The following ST6GALNAC4 variants were observed in gnomAD, a reference collection of about 807,000 sequenced individuals.
ST6GALNAC4 encodes alpha-N-acetyl-neuraminyl-2,3-beta-galactosyl-1,3-N-acetyl-galactosaminide alpha-2,6-sialyltransferase.
A neutral mutation model predicts 30.4 loss-of-function variants in ST6GALNAC4; 24 were observed. That is an observed-to-expected ratio of 0.79 (90% CI 0.57 to 1.11). The LOEUF is 1.11. ST6GALNAC4 is among the 50% of genes most tolerant of loss of function. The probability of loss-of-function intolerance (pLI) is 0.00; values close to 1 mark genes in which losing one functional copy is unlikely to be tolerated. For synonymous variants in ST6GALNAC4, 156 were observed against 179.7 expected, an observed-to-expected ratio of 0.87 and a Z score of 1.05; for missense variants, 365 against 430.1, an observed-to-expected ratio of 0.85 and a Z score of 1.34.
chr9:127,909,389 CAAA>C (rs199722185), intron 5 of ST6GALNAC4, among the ~76,000 whole-genome samples: 1 of 103,952 alleles, frequency 9.6e-6, no homozygotes, highest in Non-Finnish European at 2.0e-5. Flanking sequence ...AACTCCATCT[CAAA>C]AAAAAAAAAA....
chr9:127,910,215 C>G lies in ST6GALNAC4; in HGVS notation c.612-157G>C, dbSNP rs564497152. On this transcript the variant is annotated intron_variant, in intron 4 of 5. Coordinates refer to ENST00000335791, the MANE Select transcript of ST6GALNAC4 (RefSeq NM_175039.4). ...GGCTGGGGAGGGGACAGAGCCAGCC[C>G]AAGGCCAGCAGTGGGTGACAGGCAG... 29 of 1,426,624 alleles carry G rather than the reference C, an allele frequency of 2.0e-5. No homozygotes were observed. In the African/African-American group the frequency reaches 4.1e-4, roughly 20 times the overall value. The allele number at this position is 1,426,624 out of a possible 1,614,324, so 88.4% of individuals were successfully genotyped here.
At position 127,912,331 on chromosome 9, in the gene ST6GALNAC4, G is replaced by A. The variant is rs770661319; in HGVS notation, c.548C>T (p.Thr183Ile). 6.2e-7 allele frequency: 1 copy of A among 1,614,100 alleles called. No individual in the cohort carries two copies. The highest frequency in any genetic ancestry group is 8.5e-7 in the Non-Finnish European group (1 of 1,180,024). ...GTAGGCCATCATGCGCTCCGTGAAG[G>A]TGTACACCTGCAGGCCGGGGTACAT... Reference protein sequence around the residue: ...TRMYPGLQVYTFTERMMAYCD... With the variant: ...TRMYPGLQVYIFTERMMAYCD... The change falls in exon 4 of 6, where the codon ACC becomes ATC. Residue 183 changes from threonine (T) to isoleucine (I), a missense_variant. Coordinates refer to ENST00000335791, the MANE Select transcript of ST6GALNAC4 (RefSeq NM_175039.4).
At chr9:127,910,149 G>C in intron 4 of ST6GALNAC4, 91 bp from the exon 5 acceptor site, 1 of 1,526,012 alleles carries the variant, frequency 6.6e-7, no homozygotes, top group Non-Finnish European at 8.8e-7. Flanking sequence ...TTGCCAGCCC[G>C]GGGCTATGCA....
intron 2 of ST6GALNAC4, 25 bp from the exon 3 acceptor site, chr9:127,914,866 G>C: frequency 6.9e-7 from 1 of 1,442,810 alleles, no homozygotes; most frequent in South Asian, 1.5e-5. Flanking sequence ...GGCCATGGGG[G>C]GGTGTATGTG....
chr9:127,908,314 T>C lies in ST6GALNAC4; in HGVS notation c.*78A>G. 7.3e-7 allele frequency: 1 copy of C among 1,365,758 alleles called. No homozygotes were observed. The highest frequency in any genetic ancestry group is 1.5e-5 in the African/African-American group (1 of 68,572). The allele number at this position is 1,365,758 out of a possible 1,614,324, so 84.6% of individuals were successfully genotyped here. On this transcript the variant is annotated 3_prime_UTR_variant, in exon 6 of 6. Coordinates refer to ENST00000335791, the MANE Select transcript of ST6GALNAC4 (RefSeq NM_175039.4). The stretch of plus-strand genomic sequence containing the variant: ...GAGGCAGGATCCATAAATTAAATGT[T>C]TTTGTGGAGTGTGATGGCTTGGGAT...
chr9:127,913,746 T>C (rs188674287), intron 3 of ST6GALNAC4, among the ~76,000 whole-genome samples: 209 of 152,230 alleles, frequency 1.4e-3, no homozygotes, highest in African/African-American at 4.5e-3. Flanking sequence ...CTAGCCAATA[T>C]GGTGAAACCC....
chr9:127,915,209 C>A (rs1831170159), intron 2 of ST6GALNAC4, among the ~76,000 whole-genome samples: 1 of 152,224 alleles, frequency 6.6e-6, no homozygotes, highest in Admixed American at 6.5e-5. Flanking sequence ...GCTCTCCATC[C>A]CTCTGGGCCT....
Position 127,908,411 on chromosome 9 carries a change from G to T in ST6GALNAC4, c.890C>A (p.Pro297Gln), listed in dbSNP as rs755658967. ...AKKRPIVFAH[P>Q]SWRTE ...CGGAAGCTACTCAGTCCTCCAGGAC[G>T]GATGGGCGAACACGATGGGCCTCTT... Residue 297 changes from proline (P) to glutamine (Q), a missense_variant, in exon 6 of 6, where the codon CCG (proline) becomes CAG (glutamine). Physicochemically the swap from Pro to Gln is moderately conservative, Grantham distance 76. Coordinates refer to ENST00000335791, the MANE Select transcript of ST6GALNAC4 (RefSeq NM_175039.4). 1 of 1,575,264 alleles carries T rather than the reference G, an allele frequency of 6.3e-7. No individual in the cohort carries two copies. The highest frequency in any genetic ancestry group is 8.7e-7 in the Non-Finnish European group (1 of 1,152,142).
chr9:127,916,752 C>G, intron 1 of ST6GALNAC4, 74 bp downstream of exon 1: 1 of 481,646 alleles, frequency 2.1e-6, no homozygotes, highest in South Asian at 2.4e-5. Flanking sequence ...AGGAGGCGCC[C>G]CCAGCTCAAG....
intron 4 of ST6GALNAC4, chr9:127,910,291 C>T (rs776524429): frequency 9.0e-5 from 118 of 1,312,202 alleles, no homozygotes; most frequent in Non-Finnish European, 1.0e-4. Flanking sequence ...CAGCGGGGCT[C>T]GGGCCCAGCT....
intron 4 of ST6GALNAC4, 132 bp from the exon 5 acceptor site, chr9:127,910,190 G>C: frequency 2.1e-6 from 3 of 1,451,978 alleles, no homozygotes; most frequent in Non-Finnish European, 2.7e-6. Flanking sequence ...CTCTGGGGGA[G>C]GCTGGGGAGG....
At chr9:127,908,851 TC>T (rs1831003802) in intron 5 of ST6GALNAC4, among the ~76,000 whole-genome samples, 1 of 152,166 alleles carries the variant, frequency 6.6e-6, no homozygotes, top group Non-Finnish European at 1.5e-5. Flanking sequence ...GATGGTCACA[TC>T]CGCCTTCCAG....
rs762367245 is a variant in ST6GALNAC4 at position 127,912,639 on chromosome 9, G to A, written c.240C>T (p.Ser80=). The change falls in exon 4 of 6, where the codon TCC becomes TCT. Residue 80 remains serine (S), a synonymous_variant. Transcript: ENST00000335791. ...CTGAGCCCAGCATTTGGCCGGAGCT[G>A]GACACCACGGCACAGCTGCGGCAGG... is the stretch of plus-strand genomic sequence containing the variant. The part of the protein sequence containing the change: ...REPCRSCAVV[S]SSGQMLGSGL... 18 of 1,597,464 alleles carry A rather than the reference G, an allele frequency of 1.1e-5. No individual in the cohort carries two copies. The highest frequency in any genetic ancestry group is 7.7e-6 in the Non-Finnish European group (9 of 1,175,252).
intron 3 of ST6GALNAC4, among the ~76,000 whole-genome samples, chr9:127,914,005 G>A (rs879278712): frequency 1.3e-5 from 2 of 152,158 alleles, no homozygotes; most frequent in Admixed American, 1.3e-4. Context: ...ACTTGAATCC[G>A]GCAGGTGGAG....
intron 4 of ST6GALNAC4, among the ~76,000 whole-genome samples, chr9:127,911,907 G>A (rs549598451): frequency 1.3e-5 from 2 of 152,366 alleles, no homozygotes; most frequent in South Asian, 4.1e-4. Flanking sequence ...ACAGGCGTGA[G>A]CCACCGCACC....
At chr9:127,908,650 C>T (rs1830994727) in intron 5 of ST6GALNAC4, 69 bp from the exon 6 acceptor site, 4 of 1,409,304 alleles carry the variant, frequency 2.8e-6, no homozygotes, top group South Asian at 3.2e-5. Context: ...CTGCCGCCTA[C>T]CTTGACCACC....
At position 127,915,763 on chromosome 9, in the gene ST6GALNAC4, T is replaced by G. The variant is rs544707914; in HGVS notation, c.12+645A>C. ...CACGTGTGTCTCTCTGGGCTCCAGGTTTCTAGACTCGAGGCACAAGTCCCT... is the reference window on the plus strand; with the variant it reads ...CACGTGTGTCTCTCTGGGCTCCAGGGTTCTAGACTCGAGGCACAAGTCCCT... On this transcript the variant is annotated intron_variant, in intron 2 of 5. Coordinates refer to ENST00000335791, the MANE Select transcript of ST6GALNAC4 (RefSeq NM_175039.4). Among the ~76,000 whole-genome samples the G allele has an allele frequency of 7.6e-4, 115 of 152,172 alleles. 1 individual carries two copies. Among genetic ancestry groups the G allele is most frequent in the African/African-American group, 2.5e-3 (102 of 41,522 alleles).
At position 127,908,234 on chromosome 9, in the gene ST6GALNAC4, A is replaced by C; in HGVS notation, c.*158T>G. 1 of 513,702 alleles carries C rather than the reference A, an allele frequency of 1.9e-6. No individual in the cohort carries two copies. The highest frequency in any genetic ancestry group is 3.0e-6 in the Non-Finnish European group (1 of 333,792). The allele number at this position is 513,702 out of a possible 1,614,324, so 31.8% of individuals were successfully genotyped here. A position where few individuals can be genotyped will look rare whatever the true frequency, so the allele number is the denominator to read the frequency against. On this transcript the variant is annotated 3_prime_UTR_variant, in exon 6 of 6. Coordinates refer to ENST00000335791, the MANE Select transcript of ST6GALNAC4 (RefSeq NM_175039.4). ...AAGTCATGAGGCCTGAGATGGCTCC[A>C]AGTGTCGCCAGAATGGGGCGGGAAG...
chr9:127,914,978 T>C, intron 2 of ST6GALNAC4, 137 bp from the exon 3 acceptor site: 1 of 769,440 alleles, frequency 1.3e-6, no homozygotes, highest in Non-Finnish European at 1.9e-6. Flanking sequence ...CAGAATCCAG[T>C]CTCCATCCAC....
Sources: allele counts gnomAD v4.1 joint callset (sites outside exome capture counted in the v4.1 genomes callset), GRCh38; gene constraint gnomAD v4.1.1; transcripts MANE v1.5; gene names NCBI Gene and HGNC (gene_info 2026-07-23, HGNC 2026-07-21).